STPG2: variants seen among roughly 807,000 people sequenced by gnomAD.
The protein encoded by STPG2 is sperm-tail PG-rich repeat-containing protein 2.
In STPG2, 56 loss-of-function variants were observed where a neutral mutation model predicts 54.2. The ratio of observed to expected loss-of-function variants is 1.03; its 90% CI spans 0.83 to 1.29. STPG2 has a LOEUF of 1.29. Among genes scored for constraint, STPG2 ranks in the 50% most tolerant of loss-of-function variants. The pLI is 0.00. For synonymous variants in STPG2, 200 were observed against 181.8 expected (o/e 1.10, Z -0.81); for missense variants, 596 against 544.9 (o/e 1.09, Z -0.93).
At chr4:97,484,524 A>G (rs1245896959) in intron 4 of STPG2, among the ~76,000 whole-genome samples, 1 of 151,772 alleles carries the variant, frequency 6.6e-6, no homozygotes, top group Non-Finnish European at 1.5e-5. Context: ...AGAATTAGAT[A>G]CTCTGAACAC....
At chr4:98,086,815 T>G (rs1245749825) in intron 5 of STPG2, among the ~76,000 whole-genome samples, 2 of 152,166 alleles carry the variant, frequency 1.3e-5, no homozygotes, top group African/African-American at 2.4e-5. Flanking sequence ...CTCCCATTCT[T>G]TCCCTGCTCC....
At chr4:97,953,134 G>T (rs749505791) in intron 7 of STPG2, among the ~76,000 whole-genome samples, 2 of 152,174 alleles carry the variant, frequency 1.3e-5, no homozygotes, top group Admixed American at 6.5e-5. Context: ...GTAGCTCCAC[G>T]CTCTGACTCT....
chr4:97,590,662 CACACACACACAG>C (rs1322937261), intron 10 of STPG2, among the ~76,000 whole-genome samples: 3 of 151,120 alleles, frequency 2.0e-5, no homozygotes, highest in Non-Finnish European at 3.0e-5. Context: ...CACACACACA[CACACACACACAG>C]AGAGAAACAT....
intron 1 of STPG2, among the ~76,000 whole-genome samples, chr4:98,136,309 T>A (rs1010993854): frequency 6.6e-6 from 1 of 151,670 alleles, no homozygotes; most frequent in African/African-American, 2.4e-5. Context: ...AATAAAACCA[T>A]TGTAATTTGA....
chr4:98,096,830 T>A (rs1738874178), intron 5 of STPG2, among the ~76,000 whole-genome samples: 1 of 152,154 alleles, frequency 6.6e-6, no homozygotes, highest in Admixed American at 6.6e-5. Flanking sequence ...CAAAGGATCA[T>A]TAGTGGCTAC....
chr4:97,799,507 G>T (rs1157933232), intron 9 of STPG2, among the ~76,000 whole-genome samples: 7 of 152,118 alleles, frequency 4.6e-5, no homozygotes, highest in African/African-American at 1.2e-4. Context: ...GTTGAATATT[G>T]GCCCCCACTC....
At chr4:97,526,303 G>T (rs1478529822) in intron 4 of STPG2, among the ~76,000 whole-genome samples, 2 of 151,944 alleles carry the variant, frequency 1.3e-5, no homozygotes, top group Non-Finnish European at 2.9e-5. Flanking sequence ...GTTAAAGTTT[G>T]TATTTCAACT....
intron 3 of STPG2, among the ~76,000 whole-genome samples, chr4:98,117,379 A>G (rs368937330): frequency 6.6e-6 from 1 of 151,714 alleles, no homozygotes; most frequent in Non-Finnish European, 1.5e-5. Context: ...CAACAGCTTG[A>G]CTGTGATGTG....
intron 5 of STPG2, among the ~76,000 whole-genome samples, chr4:98,056,112 C>T (rs783933): frequency 0.86 from 130,557 of 151,982 alleles, 56,219 homozygotes; most frequent in Middle Eastern, 0.97. Flanking sequence ...TGCTTTGCCC[C>T]CCCCCAAATA....
chr4:98,130,952 G>GAAAAAAAA (rs1242260121), intron 2 of STPG2, among the ~76,000 whole-genome samples: 7 of 81,900 alleles, frequency 8.5e-5, no homozygotes, highest in South Asian at 4.3e-4. Flanking sequence ...AAAAAAAAAC[G>GAAAAAAAA]ACTTTCCAAA....
chr4:97,634,385 A>G (rs978185882), intron 10 of STPG2, among the ~76,000 whole-genome samples: 3 of 152,306 alleles, frequency 2.0e-5, no homozygotes, highest in African/African-American at 7.2e-5. Flanking sequence ...AACCACAAAG[A>G]TGGGGAAAAA....
intron 3 of STPG2, 76 bp from the exon 4 acceptor site, chr4:98,109,381 C>A: frequency 8.9e-7 from 1 of 1,122,030 alleles, no homozygotes; most frequent in Non-Finnish European, 1.3e-6. Context: ...TTGGCTTTAC[C>A]TAAGTCTAAA....
At chr4:97,475,907 T>C (rs1362713539) in intron 4 of STPG2, among the ~76,000 whole-genome samples, 1 of 152,142 alleles carries the variant, frequency 6.6e-6, no homozygotes, top group Non-Finnish European at 1.5e-5. Context: ...TCCTGTGTGA[T>C]TTTGGTTTCT....
intron 9 of STPG2, among the ~76,000 whole-genome samples, chr4:97,785,130 A>T (rs1180777638): frequency 6.6e-6 from 1 of 152,060 alleles, no homozygotes; most frequent in Non-Finnish European, 1.5e-5. Flanking sequence ...TAATTTTACT[A>T]GTCTTTCAAG....
chr4:97,563,611 T>A (rs1732327353), intron 10 of STPG2, among the ~76,000 whole-genome samples: 2 of 152,236 alleles, frequency 1.3e-5, no homozygotes, highest in Non-Finnish European at 2.9e-5. Context: ...CTATTTTGAA[T>A]GAGTCCCAGA....
At chr4:98,059,727 G>A (rs377242843) in intron 5 of STPG2, among the ~76,000 whole-genome samples, 1 of 151,302 alleles carries the variant, frequency 6.6e-6, no homozygotes, top group Non-Finnish European at 1.5e-5. Flanking sequence ...GATCAAATAG[G>A]CTTCATCCCC....
At chr4:98,034,215 C>A (rs1427555801) in intron 5 of STPG2, among the ~76,000 whole-genome samples, 1 of 152,166 alleles carries the variant, frequency 6.6e-6, no homozygotes, top group Non-Finnish European at 1.5e-5. Flanking sequence ...ATCGTCTCAG[C>A]CCAAAATCTC....
chr4:98,059,423 A>G (rs1173279859), intron 5 of STPG2, among the ~76,000 whole-genome samples: 1 of 152,030 alleles, frequency 6.6e-6, no homozygotes, highest in Non-Finnish European at 1.5e-5. Flanking sequence ...TAGCCTACCA[A>G]TAAAAAAAAG....
In STPG2 at chr4:97,501,650, C is replaced by G. The variant is rs141142064; in HGVS notation, c.462+211049G>C. 4.2e-3 allele frequency among the ~76,000 whole-genome samples: 637 copies of G among 151,598 alleles called. 3 individuals carry two copies. Among genetic ancestry groups the G allele is most frequent in the South Asian group, 0.02 (98 of 4,808 alleles). Reference sequence around the variant, plus strand: ...GTCAAGGCTTCAGTGAGTTCGAGATCGTGCCACTCCATTCCAGCCTGGGTG... The same window carrying G: ...GTCAAGGCTTCAGTGAGTTCGAGATGGTGCCACTCCATTCCAGCCTGGGTG... On this transcript the variant is annotated intron_variant, in intron 4 of 4. Transcript: ENST00000522676.
Sources: gnomAD v4.1 joint callset for allele counts (sites outside exome capture counted in the v4.1 genomes callset) on GRCh38, gnomAD v4.1.1 for gene constraint, MANE v1.5 for transcripts, NCBI Gene and HGNC (gene_info 2026-07-23, HGNC 2026-07-21) for gene names.